The following LDAH variants were observed in gnomAD, a reference collection of about 807,000 sequenced individuals.
The protein encoded by LDAH is lipid droplet associated hydrolase.
Under a neutral mutation model 29.6 loss-of-function variants are expected in LDAH, and 26 were observed. The ratio of observed to expected loss-of-function variants is 0.88; its 90% CI spans 0.64 to 1.22. The LOEUF (loss-of-function observed/expected upper bound fraction) is 1.22, where lower values mean the gene tolerates loss of function less well. Ranked by LOEUF, LDAH falls within the 50% of genes most tolerant of loss-of-function variation. LDAH has a pLI of 0.00. For missense variants in LDAH, 344 were observed against 387.3 expected, an observed-to-expected ratio of 0.89 and a Z score of 0.94; for synonymous variants, 117 against 133.0, an observed-to-expected ratio of 0.88 and a Z score of 0.83.
chr2:20,719,142 G>C (rs1665457216), intron 5 of LDAH, among the ~76,000 whole-genome samples: 2 of 134,720 alleles, frequency 1.5e-5, no homozygotes, highest in African/African-American at 5.4e-5. Flanking sequence ...AAAATTTGTA[G>C]AATAAAAAAA....
At chr2:20,703,995 A>G (rs916999384) in intron 5 of LDAH, among the ~76,000 whole-genome samples, 6 of 152,224 alleles carry the variant, frequency 3.9e-5, no homozygotes, top group Admixed American at 3.3e-4. Flanking sequence ...AGCTTAGGAG[A>G]TAAGTCTGTG....
intron 5 of LDAH, among the ~76,000 whole-genome samples, chr2:20,722,243 G>T (rs1356360546): frequency 6.6e-6 from 1 of 152,020 alleles, no homozygotes; most frequent in African/African-American, 2.4e-5. Flanking sequence ...GCGTGGTGGT[G>T]TGCGCCTGCA....
chr2:20,782,113 G>A (rs900311368), intron 3 of LDAH, among the ~76,000 whole-genome samples: 5 of 152,092 alleles, frequency 3.3e-5, no homozygotes, highest in African/African-American at 7.2e-5. Flanking sequence ...ATGTGGTCCC[G>A]AAAATGTGGT....
chr2:20,683,136 T>A (rs1662363161), downstream of LDAH, among the ~76,000 whole-genome samples: 1 of 152,162 alleles, frequency 6.6e-6, no homozygotes, highest in South Asian at 2.1e-4. Context: ...TCACCCAGCA[T>A]CACACTCAGT....
At chr2:20,822,594 T>G (rs1442851019) in intron 1 of LDAH, among the ~76,000 whole-genome samples, 1 of 152,110 alleles carries the variant, frequency 6.6e-6, no homozygotes, top group Non-Finnish European at 1.5e-5. Context: ...GACCCAAGGA[T>G]GAGGGTTTAC....
At chr2:20,728,325 CA>C (rs912369034) in intron 5 of LDAH, among the ~76,000 whole-genome samples, 4 of 152,150 alleles carry the variant, frequency 2.6e-5, no homozygotes, top group African/African-American at 9.7e-5. Flanking sequence ...CTGTGGGGGC[CA>C]GGGGGAAATA....
At chr2:20,716,771 G>T (rs142750983) in intron 5 of LDAH, among the ~76,000 whole-genome samples, 10 of 140,940 alleles carry the variant, frequency 7.1e-5, no homozygotes, top group Admixed American at 6.8e-4. Context: ...CTGGCTGACA[G>T]CCAGCAAGAA....
rs772553878 is a variant in LDAH at position 20,774,825 on chromosome 2, T to C, written c.453A>G (p.Arg151=). 2.5e-6 allele frequency: 4 copies of C among 1,613,010 alleles called. No homozygotes were observed. In the South Asian group the frequency reaches 4.4e-5, roughly 18 times the overall value. Residue 151 remains arginine (R), a synonymous_variant, in exon 4 of 7, where the codon CGA becomes CGG. Coordinates refer to ENST00000237822, the MANE Select transcript of LDAH (RefSeq NM_021925.4). ...GSYFTLQMLK[R]VPELPVIRAF... ...ACCTACTTACCGGGAGCTCAGGGAC[T>C]CGCTTCAGCATCTGAAGTGTGAAAT...
rs761754611 is a variant in LDAH at position 20,760,102 on chromosome 2, CT to C, written c.468+14707del. ...CATGCTTATCAACAACCCAAATTAT[CT>C]TTTTTTTGAGGTGGGGAGAGAAGTA... On this transcript the variant is annotated intron_variant, in intron 4 of 6. Transcript: ENST00000237822. 1.6e-4 allele frequency among the ~76,000 whole-genome samples: 25 copies of C among 152,040 alleles called. No individual in the cohort carries two copies. In the East Asian group the frequency reaches 4.6e-3, roughly 28 times the overall value.
intron 5 of LDAH, among the ~76,000 whole-genome samples, chr2:20,710,102 T>A (rs1345408155): frequency 1.3e-5 from 2 of 151,876 alleles, no homozygotes; most frequent in African/African-American, 4.8e-5. Context: ...TTGAAGCCAA[T>A]AAAATAATCA....
chr2:20,733,449 G>C (rs1042565609), intron 5 of LDAH, among the ~76,000 whole-genome samples: 1 of 149,532 alleles, frequency 6.7e-6, no homozygotes, highest in Middle Eastern at 3.2e-3. Context: ...TCCCAGGCTG[G>C]AGTGCAGTGT....
At chr2:20,790,459 G>A (rs1026613323) in intron 2 of LDAH, 61 bp from the exon 3 acceptor site, 7 of 1,435,964 alleles carry the variant, frequency 4.9e-6, no homozygotes, top group African/African-American at 1.4e-5. Flanking sequence ...AAGATGACAC[G>A]CAGGCTAGAA....
chr2:20,712,612 C>A (rs1259212419), intron 5 of LDAH, among the ~76,000 whole-genome samples: 1 of 152,148 alleles, frequency 6.6e-6, no homozygotes, highest in Non-Finnish European at 1.5e-5. Context: ...GATGTTCAAA[C>A]CCATCACAAG....
At chr2:20,742,205 T>C (rs989940706) in intron 4 of LDAH, among the ~76,000 whole-genome samples, 1 of 152,258 alleles carries the variant, frequency 6.6e-6, no homozygotes, top group Non-Finnish European at 1.5e-5. Flanking sequence ...AGGTGTGCTT[T>C]ATGGACCATA....
At chr2:20,730,057 C>T (rs528642951) in intron 5 of LDAH, among the ~76,000 whole-genome samples, 46 of 152,282 alleles carry the variant, frequency 3.0e-4, no homozygotes, top group African/African-American at 1.0e-3. Context: ...AATGGAATCA[C>T]GCAGTATGTA....
intron 4 of LDAH, among the ~76,000 whole-genome samples, chr2:20,751,542 C>T (rs148275862): frequency 1.3e-3 from 202 of 152,322 alleles, no homozygotes; most frequent in African/African-American, 4.7e-3. Flanking sequence ...AGCCACAATA[C>T]ACACATATGC....
intron 5 of LDAH, among the ~76,000 whole-genome samples, chr2:20,729,285 A>G (rs1015291047): frequency 6.6e-6 from 1 of 152,196 alleles, no homozygotes; most frequent in Non-Finnish European, 1.5e-5. Context: ...AAAAGTGGAA[A>G]ATACCTTTAC....
chr2:20,787,243 T>C (rs1340118069), intron 3 of LDAH, among the ~76,000 whole-genome samples: 6 of 152,226 alleles, frequency 3.9e-5, no homozygotes, highest in Non-Finnish European at 8.8e-5. Flanking sequence ...CTCAATTCTC[T>C]GAAAGGTCTA....
downstream of LDAH, among the ~76,000 whole-genome samples, chr2:20,683,693 G>C (rs930803934): frequency 7.2e-5 from 11 of 152,278 alleles, no homozygotes; most frequent in East Asian, 2.1e-3. Flanking sequence ...ACAGTGCAGG[G>C]ACTGAGATAC....
Sources: gnomAD v4.1 joint callset for allele counts (sites outside exome capture counted in the v4.1 genomes callset) on GRCh38, gnomAD v4.1.1 for gene constraint, MANE v1.5 for transcripts, NCBI Gene and HGNC (gene_info 2026-07-23, HGNC 2026-07-21) for gene names.